The following SMOX variants were observed in gnomAD, a reference collection of about 807,000 sequenced individuals.
The protein encoded by SMOX is flavin containing amine oxidase.
In SMOX, 22 loss-of-function variants were observed where a neutral mutation model predicts 51.0. The ratio of observed to expected loss-of-function variants is 0.43; its 90% CI spans 0.31 to 0.62. The LOEUF (loss-of-function observed/expected upper bound fraction) is 0.62. SMOX is among the 20% of genes least tolerant of loss of function. SMOX has a pLI of 0.10. For missense variants in SMOX, 566 were observed against 777.7 expected (o/e 0.73, Z 3.24); for synonymous variants, 282 against 307.8 (o/e 0.92, Z 0.88).
intron 3 of SMOX, among the ~76,000 whole-genome samples, chr20:4,179,952 G>A (rs866162795): frequency 6.6e-6 from 1 of 152,210 alleles, no homozygotes; most frequent in Admixed American, 6.5e-5. Flanking sequence ...TTCGGTGAAG[G>A]CTGCCCTCGT....
At chr20:4,169,009 G>A (rs1325567962) in intron 1 of SMOX, among the ~76,000 whole-genome samples, 1 of 151,382 alleles carries the variant, frequency 6.6e-6, no homozygotes, top group Non-Finnish European at 1.5e-5. Context: ...GTGCTGTGGT[G>A]CTATCATAGC....
chr20:4,187,555 C>T lies in SMOX; in HGVS notation c.*148C>T, dbSNP rs906769515. 21 of 1,195,200 alleles carry T rather than the reference C, an allele frequency of 1.8e-5. No homozygotes were observed. Among genetic ancestry groups the T allele is most frequent in the Non-Finnish European group, 2.1e-5 (18 of 872,250 alleles). The allele number at this position is 1,195,200 out of a possible 1,614,324, so 74.0% of individuals were successfully genotyped here. A position where few individuals can be genotyped will look rare whatever the true frequency, so the allele number is the denominator to read the frequency against. On this transcript the variant is annotated 3_prime_UTR_variant, in exon 7 of 7. Coordinates refer to ENST00000305958, the MANE Select transcript of SMOX (RefSeq NM_175839.3). This position sits in a 1 kb window ranked among gnomAD's most constrained non-coding sequence, Gnocchi z 4.8. ...GCCCTGACTGCCTTCAGACCTGGCC[C>T]TGTAGCTTTTCTTTTTCTCCAGGCT...
At position 4,175,051 on chromosome 20, in the gene SMOX, A is replaced by G; in HGVS notation, c.-5A>G. ...GCAGGTTCCTAGAAGGTGAGCGCGGACGGTATGCAAAGTTGTGAATCCAGT... is the reference window on the plus strand; with the variant it reads ...GCAGGTTCCTAGAAGGTGAGCGCGGGCGGTATGCAAAGTTGTGAATCCAGT... On this transcript the variant is annotated 5_prime_UTR_variant, in exon 2 of 7. Transcript: ENST00000305958. The G allele has an allele frequency of 6.2e-7, 1 of 1,614,060 alleles. No homozygotes were observed. Among genetic ancestry groups the G allele is most frequent in the Non-Finnish European group, 8.5e-7 (1 of 1,180,008 alleles).
chr20:4,155,761 A>G (rs914160930), intron 1 of SMOX, among the ~76,000 whole-genome samples: 3 of 151,946 alleles, frequency 2.0e-5, no homozygotes, highest in Non-Finnish European at 4.4e-5. Flanking sequence ...GTATCTGAGG[A>G]CACTGGTGGG....
chr20:4,164,466 T>C (rs868112739), intron 1 of SMOX, among the ~76,000 whole-genome samples: 2 of 152,226 alleles, frequency 1.3e-5, no homozygotes, highest in Non-Finnish European at 2.9e-5. Context: ...ACTCATCTAA[T>C]AAGTGGTGGG....
chr20:4,163,810 A>G (rs1986440814), intron 1 of SMOX, among the ~76,000 whole-genome samples: 1 of 152,202 alleles, frequency 6.6e-6, no homozygotes, highest in Non-Finnish European at 1.5e-5. Flanking sequence ...TCCTCCCCAC[A>G]TGGTGACTGG....
In SMOX at chr20:4,170,160, T is replaced by TG. The variant is rs1224212991; in HGVS notation, c.-26-4863dup. ...TGAGGCTCACATAGAGGAGGCGGGG[T>TG]GGGGGGGTGCTTCTGGCGCAGTTGG... On this transcript the variant is annotated intron_variant, in intron 1 of 6. Coordinates refer to ENST00000305958, the MANE Select transcript of SMOX (RefSeq NM_175839.3). This position sits in a 1 kb window ranked among gnomAD's most constrained non-coding sequence, Gnocchi z 4.6. 7.1e-4 allele frequency among the ~76,000 whole-genome samples: 26 copies of TG among 36,730 alleles called. No individual in the cohort carries two copies. Among genetic ancestry groups the TG allele is most frequent in the African/African-American group, 2.1e-3 (20 of 9,668 alleles). 24.1% of individuals were successfully genotyped at this position (36,730 alleles called of 152,430 possible).
At chr20:4,186,698 T>C in intron 6 of SMOX, 1 of 778,962 alleles carries the variant, frequency 1.3e-6, no homozygotes, top group South Asian at 1.3e-5. Context: ...CCATCACATA[T>C]GACGCTGTTT....
rs1368860474 is a variant in SMOX at position 4,167,926 on chromosome 20, G to A, written c.-26-7104G>A. ...GACACAGAGCCCCTTTGTCTGGGCCGTTGTGCAAAGCAGCTGGTCTGGGAT... is the reference window on the plus strand; with the variant it reads ...GACACAGAGCCCCTTTGTCTGGGCCATTGTGCAAAGCAGCTGGTCTGGGAT... On this transcript the variant is annotated intron_variant, in intron 1 of 6. Coordinates refer to ENST00000305958, the MANE Select transcript of SMOX (RefSeq NM_175839.3). The surrounding 1 kb of genome is among the most constrained non-coding windows in gnomAD (Gnocchi z 4.8). Among the ~76,000 whole-genome samples the A allele has an allele frequency of 3.3e-5, 5 of 152,076 alleles. No individual in the cohort carries two copies. Among genetic ancestry groups the A allele is most frequent in the South Asian group, 2.1e-4 (1 of 4,822 alleles).
rs1979494159 is a variant in SMOX, at chr20:4,183,351, C to T, written c.1370-143C>T. 7.9e-7 allele frequency: 1 copy of T among 1,263,214 alleles called. No homozygotes were observed. The highest frequency in any genetic ancestry group is 1.5e-5 in the African/African-American group (1 of 68,112). The allele number at this position is 1,263,214 out of a possible 1,614,324, so 78.3% of individuals were successfully genotyped here. On this transcript the variant is annotated intron_variant, in intron 5 of 6. Coordinates refer to ENST00000305958, the MANE Select transcript of SMOX (RefSeq NM_175839.3). This position sits in a 1 kb window ranked among gnomAD's most constrained non-coding sequence, Gnocchi z 4.3. ...TCGAGCCCCAGCCTCCCTCCTTCCTCTTCTATCCTCCGTGCCTACCCCTGG... is the reference window on the plus strand; with the variant it reads ...TCGAGCCCCAGCCTCCCTCCTTCCTTTTCTATCCTCCGTGCCTACCCCTGG...
At chr20:4,180,919 C>T (rs750373550) in intron 3 of SMOX, among the ~76,000 whole-genome samples, 1 of 152,188 alleles carries the variant, frequency 6.6e-6, no homozygotes, top group Non-Finnish European at 1.5e-5. Context: ...GTTTCGCCCA[C>T]ATTACAAGCT....
Position 4,187,634 on chromosome 20 carries a change from CA to C in SMOX, c.*228del, listed in dbSNP as rs113233736. The C allele has an allele frequency of 4.3e-3, 2,401 of 552,788 alleles. 47 individuals carry two copies. The highest frequency in any genetic ancestry group is 0.041 in the African/African-American group (2,196 of 53,270). 34.2% of individuals were successfully genotyped at this position (552,788 alleles called of 1,614,324 possible). ...ACCTCTGTGCTGGATCCCGTGCCCC[CA>C]CTTGCCTACCCTCTGTCCTGCCTTG... On this transcript the variant is annotated 3_prime_UTR_variant, in exon 7 of 7. Coordinates refer to ENST00000305958, the MANE Select transcript of SMOX (RefSeq NM_175839.3). This position sits in a 1 kb window ranked among gnomAD's most constrained non-coding sequence, Gnocchi z 4.8.
chr20:4,150,707 C>T (rs1418026018), intron 1 of SMOX, among the ~76,000 whole-genome samples: 1 of 152,076 alleles, frequency 6.6e-6, no homozygotes. Context: ...TCTACCTAAC[C>T]CCCCATCTGA....
At chr20:4,150,548 T>C (rs958000550) in intron 1 of SMOX, among the ~76,000 whole-genome samples, 1 of 152,214 alleles carries the variant, frequency 6.6e-6, no homozygotes, top group Non-Finnish European at 1.5e-5. Flanking sequence ...CCGTAGCCGC[T>C]TCTCTCTCTG....
chr20:4,184,878 G>A (rs913453195), intron 6 of SMOX, among the ~76,000 whole-genome samples: 3 of 152,224 alleles, frequency 2.0e-5, no homozygotes, highest in Non-Finnish European at 4.4e-5. Context: ...AGGAAATCTG[G>A]AGGCAGGCAG....
chr20:4,166,490 GGT>G lies in SMOX; in HGVS notation c.-26-8536_-26-8535del, dbSNP rs1036753144. ...GGCCTCCCAAAGTGCTGGAATTACA[GGT>G]GTGAGCCACTGTGCCCTCCCAGCCT... On this transcript the variant is annotated intron_variant, in intron 1 of 6. Coordinates refer to ENST00000305958, the MANE Select transcript of SMOX (RefSeq NM_175839.3). This position sits in a 1 kb window ranked among gnomAD's most constrained non-coding sequence, Gnocchi z 4.2. Among the ~76,000 whole-genome samples the G allele has an allele frequency of 2.6e-5, 4 of 152,288 alleles. No homozygotes were observed. Among genetic ancestry groups the G allele is most frequent in the African/African-American group, 9.6e-5 (4 of 41,550 alleles).
rs1986582564 is a variant in SMOX at position 4,166,621 on chromosome 20, T to C, written c.-26-8409T>C. ...CCTACAGGGAGCTATAAAATCACCT[T>C]ATGCCTCCCAGGCAAAAGGGTCCTG... On this transcript the variant is annotated intron_variant, in intron 1 of 6. Transcript: ENST00000305958. This position sits in a 1 kb window ranked among gnomAD's most constrained non-coding sequence, Gnocchi z 4.2. Among the ~76,000 whole-genome samples the C allele has an allele frequency of 6.6e-6, 1 of 152,188 alleles. No homozygotes were observed. The highest frequency in any genetic ancestry group is 1.5e-5 in the Non-Finnish European group (1 of 68,014).
rs1048048430 is a variant in SMOX at position 4,187,527 on chromosome 20, G to T, written c.*120G>T. 1.4e-6 allele frequency: 2 copies of T among 1,446,868 alleles called. No individual in the cohort carries two copies. The highest frequency in any genetic ancestry group is 1.9e-6 in the Non-Finnish European group (2 of 1,076,956). 89.6% of individuals were successfully genotyped at this position (1,446,868 alleles called of 1,614,324 possible). On this transcript the variant is annotated 3_prime_UTR_variant, in exon 7 of 7. Coordinates refer to ENST00000305958, the MANE Select transcript of SMOX (RefSeq NM_175839.3). The surrounding 1 kb of genome is among the most constrained non-coding windows in gnomAD (Gnocchi z 4.8). ...AGGATTTTTATCTTCTGTAGAGCTA[G>T]CCGCCCTGACTGCCTTCAGACCTGG...
rs1258093236 is a variant in SMOX at position 4,166,509 on chromosome 20, TC to T, written c.-26-8518del. 6.6e-6 allele frequency among the ~76,000 whole-genome samples: 1 copy of T among 152,100 alleles called. No homozygotes were observed. Among genetic ancestry groups the T allele is most frequent in the Non-Finnish European group, 1.5e-5 (1 of 67,992 alleles). ...ATTACAGGTGTGAGCCACTGTGCCC[TC>T]CCAGCCTCTCTGGCTTCTTTCTGAG... is the stretch of plus-strand genomic sequence containing the variant. On this transcript the variant is annotated intron_variant, in intron 1 of 6. Transcript: ENST00000305958. This position sits in a 1 kb window ranked among gnomAD's most constrained non-coding sequence, Gnocchi z 4.2.
Sources: gnomAD v4.1 joint callset for allele counts (sites outside exome capture counted in the v4.1 genomes callset) on GRCh38, gnomAD v4.1.1 for gene constraint, Gnocchi (gnomAD v3.1) non-coding constraint, MANE v1.5 for transcripts, NCBI Gene and HGNC (gene_info 2026-07-23, HGNC 2026-07-21) for gene names.